LRRC4C: variants seen among roughly 807,000 people sequenced by gnomAD.
LRRC4C encodes leucine rich repeat containing 4C, also known as leucine-rich repeat-containing protein 4C.
LRRC4C carries 5 observed loss-of-function variants against 33.6 expected under a neutral mutation model. The ratio of observed to expected loss-of-function variants is 0.15; its 90% CI spans 0.08 to 0.31. The LOEUF is 0.31. Among genes scored for constraint, LRRC4C ranks in the 10% least tolerant of loss-of-function variants. LRRC4C has a pLI of 1.00. For synonymous variants in LRRC4C, 329 were observed against 302.0 expected, an observed-to-expected ratio of 1.09 and a Z score of -0.93; for missense variants, 560 against 796.7, an observed-to-expected ratio of 0.70 and a Z score of 3.58.
chr11:41,315,459 C>T (rs1156446879), intron 1 of LRRC4C, among the ~76,000 whole-genome samples: 1 of 152,132 alleles, frequency 6.6e-6, no homozygotes, highest in East Asian at 1.9e-4. Flanking sequence ...GTCATGAGAA[C>T]ATTTAAATAG....
At chr11:40,685,707 A>C (rs187544042) in intron 2 of LRRC4C, among the ~76,000 whole-genome samples, 177 of 152,072 alleles carry the variant, frequency 1.2e-3, no homozygotes, top group Non-Finnish European at 2.2e-3. Flanking sequence ...ATAATATTAA[A>C]TCAGAGAAGA....
rs563998186 is a variant in LRRC4C, at chr11:40,195,813, T to C, written c.-96+45706A>G. On this transcript the variant is annotated intron_variant, in intron 5 of 6. Transcript: ENST00000528697. Reference sequence around the variant, plus strand: ...TTTGATTAGCATGTCCAAAAATATATACATAATTTCTTAGAACTTGTCTGA... The same window carrying C: ...TTTGATTAGCATGTCCAAAAATATACACATAATTTCTTAGAACTTGTCTGA... Among the ~76,000 whole-genome samples the C allele has an allele frequency of 4.3e-4, 65 of 152,112 alleles. 1 individual carries two copies. In the South Asian group the frequency reaches 0.013, roughly 32 times the overall value.
intron 1 of LRRC4C, among the ~76,000 whole-genome samples, chr11:41,170,199 A>C (rs1159185080): frequency 1.3e-5 from 2 of 152,224 alleles, no homozygotes; most frequent in South Asian, 4.1e-4. Flanking sequence ...TTATAGATTC[A>C]ATGCCATCCC....
intron 1 of LRRC4C, among the ~76,000 whole-genome samples, chr11:40,949,193 T>A (rs956399896): frequency 1.3e-5 from 2 of 152,198 alleles, no homozygotes; most frequent in African/African-American, 4.8e-5. Flanking sequence ...TTCATGTCCT[T>A]CGCCCACATT....
chr11:40,896,602 C>G (rs986124361), intron 2 of LRRC4C, among the ~76,000 whole-genome samples: 1 of 151,090 alleles, frequency 6.6e-6, no homozygotes, highest in Non-Finnish European at 1.5e-5. Context: ...GTCTGGGACT[C>G]TAAATTATGG....
chr11:40,201,997 T>C (rs1862787432), intron 5 of LRRC4C, among the ~76,000 whole-genome samples: 1 of 152,072 alleles, frequency 6.6e-6, no homozygotes, highest in African/African-American at 2.4e-5. Context: ...CCCAAGGTGT[T>C]AGAATCACAA....
In LRRC4C at chr11:40,223,389, G is replaced by A. The variant is rs538926589; in HGVS notation, c.-96+18130C>T. Among the ~76,000 whole-genome samples, 9 of 152,188 alleles carry A rather than the reference G, an allele frequency of 5.9e-5. No individual in the cohort carries two copies. In the South Asian group the frequency reaches 6.2e-4, roughly 11 times the overall value. On this transcript the variant is annotated intron_variant, in intron 5 of 6. Coordinates refer to ENST00000528697, the MANE Select transcript of LRRC4C (RefSeq NM_001258419.2). Reference sequence around the variant, plus strand: ...TGTGATTCAGGGACCTACAGCAAACGACAAAAAGAAACATGTCAGGGCAAT... The same window carrying A: ...TGTGATTCAGGGACCTACAGCAAACAACAAAAAGAAACATGTCAGGGCAAT...
At chr11:40,209,048 G>T (rs76399151) in intron 5 of LRRC4C, among the ~76,000 whole-genome samples, 2,445 of 151,432 alleles carry the variant, frequency 0.016, 38 homozygotes, top group Middle Eastern at 0.027. Context: ...TCAAATAAAG[G>T]ATTGTGCACC....
intron 2 of LRRC4C, among the ~76,000 whole-genome samples, chr11:40,803,708 C>T (rs1173192778): frequency 2.6e-5 from 4 of 152,070 alleles, no homozygotes; most frequent in Admixed American, 6.6e-5. Flanking sequence ...CTCCTGACCT[C>T]GTGGTCCACC....
Position 41,286,127 on chromosome 11 carries a change from C to T in LRRC4C, c.-496+173304G>A, listed in dbSNP as rs570387677. 9.8e-5 allele frequency among the ~76,000 whole-genome samples: 15 copies of T among 152,290 alleles called. No individual in the cohort carries two copies. The South Asian group carries it at 3.1e-3, about 32-fold the overall frequency. On this transcript the variant is annotated intron_variant, in intron 1 of 6. Transcript: ENST00000528697. ...TACAGGCGTGAGCCACCACGCCCGCCTAGTCAATCTCTTTTTAAGAGCAAG... is the reference window on the plus strand; with the variant it reads ...TACAGGCGTGAGCCACCACGCCCGCTTAGTCAATCTCTTTTTAAGAGCAAG...
chr11:40,758,780 AT>A lies in LRRC4C; in HGVS notation c.-406-110503del, dbSNP rs546230873. ...CCATAAAATTTTTGTGACCTTGCTC[AT>A]TTTTCATTCTCCCAGTTCAACTGTC... On this transcript the variant is annotated intron_variant, in intron 2 of 6. Coordinates refer to ENST00000528697, the MANE Select transcript of LRRC4C (RefSeq NM_001258419.2). Among the ~76,000 whole-genome samples the A allele has an allele frequency of 5.5e-4, 84 of 152,018 alleles. No individual in the cohort carries two copies. The Middle Eastern group carries it at 0.01, about 18-fold the overall frequency.
chr11:41,316,266 A>AAAAAAAAT (rs1253547943), intron 1 of LRRC4C, among the ~76,000 whole-genome samples: 2 of 149,212 alleles, frequency 1.3e-5, no homozygotes, highest in East Asian at 3.9e-4. Flanking sequence ...GGATGGCAAA[A>AAAAAAAAT]AAAAAAAAAA....
At chr11:40,300,586 C>A (rs1309131111) in intron 4 of LRRC4C, among the ~76,000 whole-genome samples, 1 of 152,144 alleles carries the variant, frequency 6.6e-6, no homozygotes, top group Non-Finnish European at 1.5e-5. Context: ...TCCAGGATCC[C>A]AGCAGACTGC....
chr11:41,418,204 GAT>G (rs144421682), intron 1 of LRRC4C, among the ~76,000 whole-genome samples: 4 of 151,966 alleles, frequency 2.6e-5, no homozygotes, highest in African/African-American at 9.6e-5. Context: ...TCTGAAATCC[GAT>G]ATGTTTAACC....
intron 1 of LRRC4C, among the ~76,000 whole-genome samples, chr11:41,163,284 G>GTTTTTTGTTTTTTT (rs1944557035): frequency 4.1e-5 from 3 of 73,382 alleles, no homozygotes; most frequent in African/African-American, 5.0e-5. Context: ...TACTGTAACT[G>GTTTTTTGTTTTTTT]TTTTTTTTTT....
chr11:40,117,329 T>C (rs1327299953), intron 6 of LRRC4C, among the ~76,000 whole-genome samples: 1 of 152,220 alleles, frequency 6.6e-6, no homozygotes, highest in Non-Finnish European at 1.5e-5. Context: ...CACATGTATA[T>C]ATAAACTTCT....
chr11:40,781,192 C>T (rs1172053962), intron 2 of LRRC4C, among the ~76,000 whole-genome samples: 4 of 151,932 alleles, frequency 2.6e-5, no homozygotes, highest in Non-Finnish European at 5.9e-5. Context: ...CTAAATGTAT[C>T]TAAACATAGA....
At chr11:40,669,290 C>G (rs1351235111) in intron 2 of LRRC4C, among the ~76,000 whole-genome samples, 4 of 152,088 alleles carry the variant, frequency 2.6e-5, no homozygotes, top group Non-Finnish European at 5.9e-5. Context: ...AAAGAAGTTT[C>G]TATTTATTAA....
At chr11:40,525,261 A>C (rs1446000981) in intron 3 of LRRC4C, among the ~76,000 whole-genome samples, 1 of 152,170 alleles carries the variant, frequency 6.6e-6, no homozygotes, top group Non-Finnish European at 1.5e-5. Context: ...CCTGGCTAAC[A>C]CAGTGAAACT....
Sources: allele counts gnomAD v4.1 joint callset (sites outside exome capture counted in the v4.1 genomes callset), GRCh38; gene constraint gnomAD v4.1.1; transcripts MANE v1.5; gene names NCBI Gene and HGNC (gene_info 2026-07-23, HGNC 2026-07-21).